PTPRD: variants seen among roughly 807,000 people sequenced by gnomAD.
PTPRD encodes receptor-type tyrosine-protein phosphatase delta.
A neutral mutation model predicts 214.5 loss-of-function variants in PTPRD; 34 were observed. The observed-to-expected ratio is 0.16, with a 90% CI of 0.12 to 0.21. The LOEUF is 0.21. PTPRD is among the 10% of genes least tolerant of loss of function. The pLI is 1.00. For missense variants in PTPRD, 2,545 were observed against 2,398.7 expected, an observed-to-expected ratio of 1.06 and a Z score of -1.27; for synonymous variants, 1,128 against 845.7, an observed-to-expected ratio of 1.33 and a Z score of -5.79.
At chr9:9,839,908 A>C (rs1005349380) in intron 5 of PTPRD, among the ~76,000 whole-genome samples, 4 of 152,120 alleles carry the variant, frequency 2.6e-5, no homozygotes. Context: ...ATTGATATGC[A>C]TTTTTAAACA....
chr9:8,932,383 A>G (rs2098958847), intron 11 of PTPRD, among the ~76,000 whole-genome samples: 2 of 152,124 alleles, frequency 1.3e-5, no homozygotes, highest in South Asian at 4.1e-4. Flanking sequence ...GGTTTCAAAC[A>G]ATATCTTTGT....
intron 10 of PTPRD, among the ~76,000 whole-genome samples, chr9:9,167,813 T>C (rs2099907156): frequency 6.6e-6 from 1 of 152,034 alleles, no homozygotes; most frequent in African/African-American, 2.4e-5. Flanking sequence ...AAAAGCAAAA[T>C]TAATTTTTAT....
chr9:8,680,892 G>A (rs1167043435), intron 12 of PTPRD, among the ~76,000 whole-genome samples: 1 of 152,208 alleles, frequency 6.6e-6, no homozygotes, highest in Admixed American at 6.5e-5. Context: ...TCACGGGACT[G>A]ATTTGAGTTT....
At chr9:9,709,883 C>A (rs1217955304) in intron 7 of PTPRD, among the ~76,000 whole-genome samples, 4 of 151,888 alleles carry the variant, frequency 2.6e-5, no homozygotes, top group Non-Finnish European at 5.9e-5. Flanking sequence ...CTGAGGAAAC[C>A]TGTTTAATTA....
At chr9:8,966,982 C>G (rs746210244) in intron 11 of PTPRD, among the ~76,000 whole-genome samples, 2 of 151,484 alleles carry the variant, frequency 1.3e-5, no homozygotes, top group African/African-American at 4.8e-5. Context: ...AAAAATGGAC[C>G]ATAGACATGA....
At chr9:8,362,214 C>G (rs1265781830) in intron 39 of PTPRD, among the ~76,000 whole-genome samples, 1 of 152,186 alleles carries the variant, frequency 6.6e-6, no homozygotes, top group African/African-American at 2.4e-5. Context: ...GCATACATAC[C>G]TATCTCTTGT....
chr9:8,557,431 A>AATAC (rs1216119782), intron 14 of PTPRD, among the ~76,000 whole-genome samples: 1 of 111,752 alleles, frequency 8.9e-6, no homozygotes, highest in African/African-American at 7.7e-5. Flanking sequence ...TTCATTTGTA[A>AATAC]ATACATATAT....
chr9:9,382,709 G>T (rs1183156580), intron 9 of PTPRD, among the ~76,000 whole-genome samples: 2 of 152,048 alleles, frequency 1.3e-5, no homozygotes, highest in Non-Finnish European at 2.9e-5. Flanking sequence ...AGGTGGGAAT[G>T]TAAAACAGTA....
intron 8 of PTPRD, among the ~76,000 whole-genome samples, chr9:9,562,511 C>T (rs1055832694): frequency 1.3e-5 from 2 of 152,162 alleles, no homozygotes; most frequent in Non-Finnish European, 2.9e-5. Context: ...AGCCAAAGCT[C>T]TACCTGACCT....
chr9:10,145,502 T>C (rs1347063222), intron 3 of PTPRD, among the ~76,000 whole-genome samples: 1 of 152,162 alleles, frequency 6.6e-6, no homozygotes, highest in Non-Finnish European at 1.5e-5. Flanking sequence ...CATTTTCTGT[T>C]CTCTACCTTA....
intron 2 of PTPRD, among the ~76,000 whole-genome samples, chr9:10,503,213 A>AAAAAAAAAAAAAC (rs1555437452): frequency 3.3e-5 from 5 of 149,478 alleles, no homozygotes; most frequent in African/African-American, 1.2e-4. Flanking sequence ...AAAAACAAAA[A>AAAAAAAAAAAAAC]AAAACACCAT....
intron 7 of PTPRD, among the ~76,000 whole-genome samples, chr9:9,653,739 C>T (rs1437792690): frequency 7.2e-5 from 11 of 152,280 alleles, no homozygotes; most frequent in African/African-American, 2.6e-4. Flanking sequence ...ATATTGCCAA[C>T]ATTTTACTCC....
chr9:10,358,800 G>C (rs961575501), intron 2 of PTPRD, among the ~76,000 whole-genome samples: 2 of 151,832 alleles, frequency 1.3e-5, no homozygotes, highest in South Asian at 2.1e-4. Flanking sequence ...ATTAAAATAA[G>C]TCCACTAAAA....
intron 7 of PTPRD, among the ~76,000 whole-genome samples, chr9:9,616,929 C>T (rs1413054801): frequency 6.6e-6 from 1 of 151,990 alleles, no homozygotes; most frequent in Non-Finnish European, 1.5e-5. Context: ...GTTTTACTTC[C>T]AATTATGGTC....
intron 43 of PTPRD, 75 bp from the exon 44 acceptor site, chr9:8,331,811 A>G (rs2131668730): frequency 1.4e-6 from 2 of 1,467,872 alleles, no homozygotes; most frequent in Non-Finnish European, 1.8e-6. Flanking sequence ...GGACCACAAG[A>G]ACAATCATTT....
intron 11 of PTPRD, among the ~76,000 whole-genome samples, chr9:8,826,614 C>G (rs1192698217): frequency 6.8e-6 from 1 of 146,820 alleles, no homozygotes; most frequent in Non-Finnish European, 1.5e-5. Flanking sequence ...ACCAAGATTC[C>G]AAGACTGCAG....
At chr9:10,504,099 G>A (rs1214142491) in intron 2 of PTPRD, among the ~76,000 whole-genome samples, 58 of 56,508 alleles carry the variant, frequency 1.0e-3, no homozygotes, top group African/African-American at 4.0e-3. Context: ...ATGGGGCACA[G>A]AGCGAGACTC....
intron 9 of PTPRD, among the ~76,000 whole-genome samples, chr9:9,253,819 G>C (rs562187273): frequency 1.3e-5 from 2 of 152,098 alleles, no homozygotes; most frequent in Non-Finnish European, 2.9e-5. Flanking sequence ...AGTTAAAACA[G>C]CAGAAGTTTA....
intron 20 of PTPRD, among the ~76,000 whole-genome samples, chr9:8,520,708 G>A (rs1310554581): frequency 6.6e-6 from 1 of 151,950 alleles, no homozygotes; most frequent in Non-Finnish European, 1.5e-5. Flanking sequence ...GTTTTTTAAA[G>A]GAAAGAATAT....
Sources: gnomAD v4.1 joint callset for allele counts (sites outside exome capture counted in the v4.1 genomes callset) on GRCh38, gnomAD v4.1.1 for gene constraint, MANE v1.5 for transcripts, NCBI Gene and HGNC (gene_info 2026-07-23, HGNC 2026-07-21) for gene names.